The following MSRB3 variants were observed in gnomAD, a reference collection of about 807,000 sequenced individuals.
MSRB3 encodes the protein methionine sulfoxide reductase B3.
A neutral mutation model predicts 21.0 loss-of-function variants in MSRB3; 13 were observed. The observed-to-expected ratio is 0.62, with a 90% CI of 0.40 to 0.98. MSRB3 has a LOEUF of 0.98. MSRB3 is among the 50% of genes least tolerant of loss of function. MSRB3 has a pLI of 0.00. For synonymous variants in MSRB3, 87 were observed against 88.6 expected (o/e 0.98, Z 0.10); for missense variants, 199 against 230.3 (o/e 0.86, Z 0.88).
intron 5 of MSRB3, among the ~76,000 whole-genome samples, chr12:65,447,671 G>A (rs1882680965): frequency 6.6e-6 from 1 of 152,136 alleles, no homozygotes; most frequent in African/African-American, 2.4e-5. Context: ...TGGAGTACTA[G>A]GAGGCATAAG....
At chr12:65,297,856 A>G (rs1873071107) in intron 1 of MSRB3, among the ~76,000 whole-genome samples, 1 of 152,166 alleles carries the variant, frequency 6.6e-6, no homozygotes, top group Non-Finnish European at 1.5e-5. Flanking sequence ...CTTATGGTAG[A>G]TGGGAGATGA....
At chr12:65,431,388 A>C (rs905985756) in intron 5 of MSRB3, among the ~76,000 whole-genome samples, 5 of 151,974 alleles carry the variant, frequency 3.3e-5, no homozygotes, top group African/African-American at 2.4e-5. Context: ...TTCCAGCATT[A>C]ATTTTTTTGT....
chr12:65,292,055 T>C (rs529406563), intron 1 of MSRB3, among the ~76,000 whole-genome samples: 1 of 152,240 alleles, frequency 6.6e-6, no homozygotes, highest in South Asian at 2.1e-4. Flanking sequence ...ACCTTGCTGA[T>C]TGGATATAAA....
chr12:65,361,609 A>G (rs1877711291), intron 4 of MSRB3, among the ~76,000 whole-genome samples: 1 of 152,090 alleles, frequency 6.6e-6, no homozygotes, highest in Non-Finnish European at 1.5e-5. Flanking sequence ...CCAGATATTA[A>G]TGTTTTGTAA....
chr12:65,429,129 A>G (rs748234588), intron 5 of MSRB3, among the ~76,000 whole-genome samples: 5 of 152,200 alleles, frequency 3.3e-5, no homozygotes, highest in South Asian at 2.1e-4. Flanking sequence ...GGCTCCTGCT[A>G]TTAAGGAGTT....
chr12:65,386,592 A>G (rs1171740590), intron 5 of MSRB3, among the ~76,000 whole-genome samples: 1 of 152,016 alleles, frequency 6.6e-6, no homozygotes, highest in African/African-American at 2.4e-5. Flanking sequence ...ATAAATATCC[A>G]GTATTGAGAA....
At chr12:65,317,102 A>T (rs958665210) in intron 2 of MSRB3, among the ~76,000 whole-genome samples, 3 of 152,188 alleles carry the variant, frequency 2.0e-5, no homozygotes, top group African/African-American at 4.8e-5. Context: ...TTAACCAGGT[A>T]TGCAACCATG....
At chr12:65,357,820 C>T (rs1451617836) in intron 4 of MSRB3, among the ~76,000 whole-genome samples, 1 of 151,936 alleles carries the variant, frequency 6.6e-6, no homozygotes, top group African/African-American at 2.4e-5. Flanking sequence ...GGTTAAGTAC[C>T]ATTTTCATCA....
chr12:65,329,501 TTAGA>T (rs1875270475), intron 4 of MSRB3, among the ~76,000 whole-genome samples: 1 of 151,890 alleles, frequency 6.6e-6, no homozygotes, highest in Non-Finnish European at 1.5e-5. Context: ...AATACAAAAA[TTAGA>T]TAGGCATGGT....
At chr12:65,321,974 T>C (rs970588113) in intron 2 of MSRB3, among the ~76,000 whole-genome samples, 1 of 152,228 alleles carries the variant, frequency 6.6e-6, no homozygotes, top group Non-Finnish European at 1.5e-5. Flanking sequence ...GTTTCGTTTT[T>C]TCTGATTCTA....
intron 5 of MSRB3, chr12:65,419,897 GC>G: frequency 1.6e-6 from 1 of 616,570 alleles, no homozygotes. Context: ...GGGAACCAGA[GC>G]CCCCAGTGCC....
intron 5 of MSRB3, among the ~76,000 whole-genome samples, chr12:65,413,977 T>C (rs1880846223): frequency 6.6e-6 from 1 of 152,018 alleles, no homozygotes; most frequent in South Asian, 2.1e-4. Context: ...GTATACCTGG[T>C]TTTTAAGAAG....
intron 5 of MSRB3, among the ~76,000 whole-genome samples, chr12:65,392,459 A>G (rs1168588133): frequency 6.6e-6 from 1 of 152,236 alleles, no homozygotes; most frequent in East Asian, 1.9e-4. Context: ...CCCATATATT[A>G]CAGTTCAGCA....
intron 4 of MSRB3, among the ~76,000 whole-genome samples, chr12:65,352,674 A>G (rs1195750184): frequency 6.6e-6 from 1 of 151,842 alleles, no homozygotes; most frequent in African/African-American, 2.4e-5. Flanking sequence ...CCAATAACAG[A>G]CAAACAGAGA....
chr12:65,302,615 AG>A (rs1873402704), intron 1 of MSRB3, among the ~76,000 whole-genome samples: 1 of 152,212 alleles, frequency 6.6e-6, no homozygotes, highest in African/African-American at 2.4e-5. Context: ...CATTCTGAAT[AG>A]CCAGGATTCT....
rs781666148 is a variant in MSRB3 at position 65,308,844 on chromosome 12, C to A, written c.76+189C>A. 75 of 726,298 alleles carry A rather than the reference C, an allele frequency of 1.0e-4. No individual in the cohort carries two copies. The Middle Eastern group carries it at 1.5e-3, about 15-fold the overall frequency. 45.0% of individuals were successfully genotyped at this position (726,298 alleles called of 1,614,324 possible). ...ACATTCATTTCCACAATCCTTACAA[C>A]CCTTGGAACATTGTCCAGTTTCCTT... On this transcript the variant is annotated intron_variant, in intron 2 of 6. Coordinates refer to ENST00000308259, the MANE Select transcript of MSRB3 (RefSeq NM_001031679.3).
At chr12:65,415,625 G>A (rs1179860230) in intron 5 of MSRB3, among the ~76,000 whole-genome samples, 1 of 152,032 alleles carries the variant, frequency 6.6e-6, no homozygotes, top group African/African-American at 2.4e-5. Flanking sequence ...AATTTCTGCT[G>A]GTCTTACAAG....
At chr12:65,448,891 T>C (rs899306316) in intron 5 of MSRB3, among the ~76,000 whole-genome samples, 1 of 152,218 alleles carries the variant, frequency 6.6e-6, no homozygotes, top group African/African-American at 2.4e-5. Flanking sequence ...TTTGATTTTC[T>C]ACCACATGCC....
chr12:65,302,694 A>C (rs1342432931), intron 1 of MSRB3, among the ~76,000 whole-genome samples: 1 of 152,200 alleles, frequency 6.6e-6, no homozygotes, highest in African/African-American at 2.4e-5. Flanking sequence ...ATTCCAGCCA[A>C]TGAGCTATGG....
Sources: allele counts gnomAD v4.1 joint callset (sites outside exome capture counted in the v4.1 genomes callset), GRCh38; gene constraint gnomAD v4.1.1; transcripts MANE v1.5; gene names NCBI Gene and HGNC (gene_info 2026-07-23, HGNC 2026-07-21).